The following EHD1 variants were observed in gnomAD, a reference collection of about 807,000 sequenced individuals.
The protein encoded by EHD1 is EH domain containing 1.
Under a neutral mutation model 39.0 loss-of-function variants are expected in EHD1, and 19 were observed. The observed-to-expected ratio is 0.49, with a 90% CI of 0.34 to 0.72. EHD1 has a LOEUF of 0.72. Among genes scored for constraint, EHD1 ranks in the 30% least tolerant of loss-of-function variants. The probability of loss-of-function intolerance (pLI) is 0.01; values close to 1 mark genes in which losing one functional copy is unlikely to be tolerated. For synonymous variants in EHD1, 323 were observed against 331.2 expected, an observed-to-expected ratio of 0.98 and a Z score of 0.27; for missense variants, 542 against 751.5, an observed-to-expected ratio of 0.72 and a Z score of 3.26.
At chr11:64,862,565 T>C (rs912700284) in intron 2 of EHD1, among the ~76,000 whole-genome samples, 9 of 152,242 alleles carry the variant, frequency 5.9e-5, no homozygotes, top group African/African-American at 1.9e-4. Flanking sequence ...ACATAAACTA[T>C]TGGCTATCTG....
At chr11:64,861,248 A>T (rs1359172045) in intron 2 of EHD1, among the ~76,000 whole-genome samples, 1 of 151,738 alleles carries the variant, frequency 6.6e-6, no homozygotes, top group East Asian at 1.9e-4. Flanking sequence ...GGGCAGGATT[A>T]TCTCCCCTAT....
At position 64,878,159 on chromosome 11, in the gene EHD1, G is replaced by A. The variant is rs1943907668; in HGVS notation, c.306C>T (p.His102=). ...PTTDSFIAVM[H]GPTEGVVPGN... ...CCGGCACCACGCCCTCAGTGGGGCC[G>A]TGCATGACGGCGATGAAGGAGTCGG... The change falls in exon 1 of 5, where the codon CAC becomes CAT. Residue 102 remains histidine (H), a synonymous_variant. Transcript: ENST00000320631. The A allele has an allele frequency of 3.1e-6, 5 of 1,602,358 alleles. No individual in the cohort carries two copies. The highest frequency in any genetic ancestry group is 1.1e-5 in the South Asian group (1 of 90,680).
At position 64,860,140 on chromosome 11, in the gene EHD1, G is replaced by A. The variant is rs773078280; in HGVS notation, c.699C>T (p.Tyr233=). The A allele has an allele frequency of 1.3e-5, 21 of 1,614,040 alleles. No individual in the cohort carries two copies. The East Asian group carries it at 3.1e-4, about 24-fold the overall frequency. Residue 233 remains tyrosine (Y), a synonymous_variant, in exon 3 of 5, where the codon TAC becomes TAT. Coordinates refer to ENST00000320631, the MANE Select transcript of EHD1 (RefSeq NM_006795.4). ...TGCCCAGGGACCACATGAGGGCCCC[G>A]TACACCCGCATCAGCTGCTGCGTCT... ...QIETQQLMRV[Y]GALMWSLGKI... is the part of the protein sequence containing the mutation.
chr11:64,862,743 G>A (rs1460810517), intron 2 of EHD1, among the ~76,000 whole-genome samples: 1 of 152,142 alleles, frequency 6.6e-6, no homozygotes, highest in Non-Finnish European at 1.5e-5. Context: ...CAAAGGTGGT[G>A]CAGGCCTGTA....
intron 2 of EHD1, among the ~76,000 whole-genome samples, chr11:64,874,137 C>G (rs1377190508): frequency 6.6e-6 from 1 of 151,120 alleles, no homozygotes; most frequent in South Asian, 2.1e-4. Context: ...AACCCCATCT[C>G]TACGAAAAAT....
At chr11:64,878,958 C>A, upstream of EHD1, 1 of 1,006,010 alleles carries the variant, frequency 9.9e-7, no homozygotes. Flanking sequence ...CCCCCCCACA[C>A]CCCCGCGGGA....
rs747794386 is a variant in EHD1, at chr11:64,854,681, G to A, written c.1257C>T (p.Asn419=). The stretch of plus-strand genomic sequence containing the variant: ...CGCCGTAGCCGTGCCCGAACGGCCC[G>A]TTCATGGTGCCGTCAAAGGCGCCGC... ...VKGGAFDGTM[N]GPFGHGYGEG... The change falls in exon 5 of 5, where the codon AAC becomes AAT. Residue 419 remains asparagine (N), a synonymous_variant. Coordinates refer to ENST00000320631, the MANE Select transcript of EHD1 (RefSeq NM_006795.4). 1.9e-5 allele frequency: 31 copies of A among 1,613,740 alleles called. No homozygotes were observed. The highest frequency in any genetic ancestry group is 4.5e-5 in the East Asian group (2 of 44,874).
In EHD1 at chr11:64,854,381, G is replaced by A. The variant is rs549419275; in HGVS notation, c.1557C>T (p.Ala519=). 4 of 1,613,324 alleles carry A rather than the reference G, an allele frequency of 2.5e-6. No homozygotes were observed. The highest frequency in any genetic ancestry group is 2.2e-5 in the East Asian group (1 of 44,868). The change falls in exon 5 of 5, where the codon GCC becomes GCT. Residue 519 remains alanine (A), a synonymous_variant. Transcript: ENST00000320631. ...KVKLEGHELP[A]DLPPHLVPPS... ...GCGGCACCAGGTGCGGGGGCAGGTC[G>A]GCGGGCAGCTCGTGGCCCTCCAGCT...
At chr11:64,855,931 CCACGCAT>C (rs1224824966) in intron 3 of EHD1, 67 of 3,182 alleles carry the variant, frequency 0.021, 2 homozygotes, top group South Asian at 0.067. Context: ...TCAACCCTCA[CCACGCAT>C]CACACACCCT....
rs976861918 is a variant in EHD1 at position 64,864,498 on chromosome 11, G to A, written c.503-4162C>T. On this transcript the variant is annotated intron_variant, in intron 2 of 4. Coordinates refer to ENST00000320631, the MANE Select transcript of EHD1 (RefSeq NM_006795.4). ...GGGCAACATGAGGGAAACAGGGGCAGGGAGAGGCCGCCTCTGCCCCCGGGG... is the reference window on the plus strand; with the variant it reads ...GGGCAACATGAGGGAAACAGGGGCAAGGAGAGGCCGCCTCTGCCCCCGGGG... Among the ~76,000 whole-genome samples, 6 of 152,240 alleles carry A rather than the reference G, an allele frequency of 3.9e-5. No homozygotes were observed. The South Asian group carries it at 1.2e-3, about 31-fold the overall frequency.
In EHD1 at chr11:64,860,116, G is replaced by A. The variant is rs372642668; in HGVS notation, c.723C>T (p.Gly241=). 61 of 1,614,032 alleles carry A rather than the reference G, an allele frequency of 3.8e-5. No individual in the cohort carries two copies. Among genetic ancestry groups the A allele is most frequent in the Non-Finnish European group, 7.6e-6 (9 of 1,180,032 alleles). ...CCACCTCGGGGGTGTTGATGATCTTGCCCAGGGACCACATGAGGGCCCCGT... is the reference window on the plus strand; with the variant it reads ...CCACCTCGGGGGTGTTGATGATCTTACCCAGGGACCACATGAGGGCCCCGT... The part of the protein sequence containing the change: ...RVYGALMWSL[G]KIINTPEVVR... Residue 241 remains glycine, a synonymous_variant, in exon 3 of 5, where the codon GGC becomes GGT. Coordinates refer to ENST00000320631, the MANE Select transcript of EHD1 (RefSeq NM_006795.4).
rs1463470956 is a variant in EHD1, at chr11:64,866,762, C to T, written c.503-6426G>A. Among the ~76,000 whole-genome samples, 3 of 152,062 alleles carry T rather than the reference C, an allele frequency of 2.0e-5. No individual in the cohort carries two copies. The East Asian group carries it at 5.8e-4, about 29-fold the overall frequency. The stretch of plus-strand genomic sequence containing the variant: ...TGATGAAATAATCTATACACCAAAC[C>T]CCACCACACTCCATTTACCTGTATA... On this transcript the variant is annotated intron_variant, in intron 2 of 4. Coordinates refer to ENST00000320631, the MANE Select transcript of EHD1 (RefSeq NM_006795.4).
upstream of EHD1, chr11:64,879,031 C>T (rs2136508771): frequency 4.0e-6 from 4 of 996,302 alleles, no homozygotes; most frequent in Non-Finnish European, 4.8e-6. Flanking sequence ...GCCCGCCGTT[C>T]GCCACGTGCG....
At chr11:64,872,897 G>T (rs1442679638) in intron 2 of EHD1, among the ~76,000 whole-genome samples, 1 of 152,228 alleles carries the variant, frequency 6.6e-6, no homozygotes, top group Admixed American at 6.5e-5. Context: ...CCCAGCAAAG[G>T]CCAGTCCAGA....
intron 2 of EHD1, among the ~76,000 whole-genome samples, chr11:64,867,059 T>A (rs1258652381): frequency 6.6e-6 from 1 of 152,140 alleles, no homozygotes; most frequent in Non-Finnish European, 1.5e-5. Context: ...ATGTGCTAAA[T>A]GCCAGTGAAA....
chr11:64,860,277 G>A lies in EHD1; in HGVS notation c.562C>T (p.Leu188Phe). Reference protein sequence around the residue: ...FAERVDRIILLFDAHKLDISD... With the variant: ...FAERVDRIILFFDAHKLDISD... ...ATGTCCAGCTTGTGGGCGTCGAAGAGCAGGATGATGCGGTCCACACGCTCC... is the reference window on the plus strand; with the variant it reads ...ATGTCCAGCTTGTGGGCGTCGAAGAACAGGATGATGCGGTCCACACGCTCC... Residue 188 changes from leucine (L) to phenylalanine (F), a missense_variant, in exon 3 of 5, where the codon CTC becomes TTC. By Grantham distance (22) the Leu-to-Phe change is conservative. Transcript: ENST00000320631. The A allele has an allele frequency of 6.2e-7, 1 of 1,614,006 alleles. No individual in the cohort carries two copies. Among genetic ancestry groups the A allele is most frequent in the East Asian group, 2.2e-5 (1 of 44,886 alleles).
chr11:64,869,351 A>G (rs1943803465), intron 2 of EHD1, among the ~76,000 whole-genome samples: 1 of 152,220 alleles, frequency 6.6e-6, no homozygotes, highest in Non-Finnish European at 1.5e-5. Context: ...AGGTGGGGCG[A>G]GCAGAGGGTT....
intron 2 of EHD1, among the ~76,000 whole-genome samples, chr11:64,866,223 G>T (rs142727618): frequency 2.4e-4 from 36 of 152,234 alleles, no homozygotes; most frequent in Non-Finnish European, 4.4e-5. Flanking sequence ...GATGGAGCTG[G>T]AGACCATTAT....
chr11:64,874,079 G>A (rs548094590), intron 2 of EHD1, among the ~76,000 whole-genome samples: 32 of 151,232 alleles, frequency 2.1e-4, no homozygotes, highest in Non-Finnish European at 3.5e-4. Flanking sequence ...GCCAAGGCGG[G>A]CAGATCATGA....
Sources: allele counts gnomAD v4.1 joint callset (sites outside exome capture counted in the v4.1 genomes callset), GRCh38; gene constraint gnomAD v4.1.1; transcripts MANE v1.5; gene names NCBI Gene and HGNC (gene_info 2026-07-23, HGNC 2026-07-21).